The following WHRN variants were observed in gnomAD, a reference collection of about 807,000 sequenced individuals.
The protein encoded by WHRN is whirlin.
Under a neutral mutation model 68.3 loss-of-function variants are expected in WHRN, and 41 were observed. The observed-to-expected ratio is 0.60, with a 90% CI of 0.47 to 0.78. The LOEUF is 0.78. WHRN is among the 30% of genes least tolerant of loss of function. The pLI, the probability that WHRN is intolerant of heterozygous loss-of-function variation, is 0.00. For missense variants in WHRN, 1,243 were observed against 1,244.7 expected (o/e 1.00, Z 0.02); for synonymous variants, 560 against 561.3 (o/e 1.00, Z 0.03).
intron 7 of WHRN, among the ~76,000 whole-genome samples, chr9:114,414,925 GAAC>G (rs954159435): frequency 6.6e-6 from 1 of 152,138 alleles, no homozygotes; most frequent in Non-Finnish European, 1.5e-5. Context: ...ATCTGGACAG[GAAC>G]AACAGCCTCT....
At chr9:114,437,866 G>A (rs201819491) in intron 3 of WHRN, among the ~76,000 whole-genome samples, 2 of 152,268 alleles carry the variant, frequency 1.3e-5, no homozygotes, top group East Asian at 3.9e-4. Context: ...CAGATAAAGG[G>A]CCAGTTAGCT....
At chr9:114,466,697 TCAGA>T (rs1473239487) in intron 2 of WHRN, among the ~76,000 whole-genome samples, 2 of 152,124 alleles carry the variant, frequency 1.3e-5, no homozygotes, top group African/African-American at 4.8e-5. Context: ...CCGGGACTAC[TCAGA>T]CACTTTGCTC....
At chr9:114,437,000 C>T (rs2132535189) in intron 3 of WHRN, among the ~76,000 whole-genome samples, 1 of 152,068 alleles carries the variant, frequency 6.6e-6, no homozygotes, top group South Asian at 2.1e-4. Context: ...TACAGAAAAG[C>T]TACTAGAGAA....
At chr9:114,405,191 C>T (rs1834942125) in intron 9 of WHRN, among the ~76,000 whole-genome samples, 1 of 151,388 alleles carries the variant, frequency 6.6e-6, no homozygotes, top group Admixed American at 6.6e-5. Context: ...CCTCCCACCT[C>T]AGCCTTCTGA....
intron 3 of WHRN, among the ~76,000 whole-genome samples, chr9:114,450,245 C>G (rs923449825): frequency 4.6e-5 from 7 of 152,170 alleles, no homozygotes; most frequent in African/African-American, 1.7e-4. Flanking sequence ...TTTTGAAGCC[C>G]CAAAGCAACC....
intron 3 of WHRN, among the ~76,000 whole-genome samples, chr9:114,455,006 TA>T (rs56359230): frequency 0.75 from 113,928 of 151,978 alleles, 42,860 homozygotes; most frequent in East Asian, 0.96. Context: ...TGGCTGTCTA[TA>T]ATGCAAACAA....
At chr9:114,465,493 TCAC>T (rs2132943576) in intron 3 of WHRN, among the ~76,000 whole-genome samples, 2 of 152,272 alleles carry the variant, frequency 1.3e-5, no homozygotes, top group South Asian at 4.2e-4. Context: ...TGTGCCATGG[TCAC>T]CACTCCACAT....
chr9:114,477,127 G>A (rs1204868344), intron 2 of WHRN, among the ~76,000 whole-genome samples: 2 of 152,172 alleles, frequency 1.3e-5, no homozygotes, highest in African/African-American at 2.4e-5. Context: ...ACCTGCTGCC[G>A]CTCACCTCCA....
At chr9:114,413,784 T>C (rs1263093961) in intron 7 of WHRN, among the ~76,000 whole-genome samples, 1 of 152,062 alleles carries the variant, frequency 6.6e-6, no homozygotes. Flanking sequence ...ATCACAACAT[T>C]AGGGAGCTCT....
At chr9:114,503,100 G>C (rs1844072732) in intron 1 of WHRN, 1 of 982,770 alleles carries the variant, frequency 1.0e-6, no homozygotes, top group Admixed American at 6.1e-5. Context: ...GACGGCTCAA[G>C]ACTCACCTGG....
At chr9:114,434,622 T>C (rs1329315273) in intron 3 of WHRN, among the ~76,000 whole-genome samples, 4 of 152,168 alleles carry the variant, frequency 2.6e-5, no homozygotes, top group South Asian at 2.1e-4. Context: ...CAATGCATTT[T>C]ACTTTCCCTT....
At chr9:114,441,396 A>T (rs1838360433) in intron 3 of WHRN, among the ~76,000 whole-genome samples, 1 of 152,186 alleles carries the variant, frequency 6.6e-6, no homozygotes, top group South Asian at 2.1e-4. Context: ...GTCCACTAAA[A>T]GCCCTGTTAG....
intron 3 of WHRN, among the ~76,000 whole-genome samples, chr9:114,440,482 G>T (rs113558040): frequency 0.015 from 2,299 of 152,088 alleles, 60 homozygotes; most frequent in African/African-American, 0.05. Context: ...CAGGTGATCC[G>T]CCCACTTCGG....
At chr9:114,467,106 TCTC>T (rs1471460311) in intron 2 of WHRN, among the ~76,000 whole-genome samples, 8 of 146,906 alleles carry the variant, frequency 5.4e-5, no homozygotes, top group African/African-American at 1.5e-4. Flanking sequence ...ACTTCAGGAG[TCTC>T]CTATTTCTCC....
chr9:114,428,642 GGAGC>G (rs887193782), intron 3 of WHRN, among the ~76,000 whole-genome samples: 2 of 152,168 alleles, frequency 1.3e-5, no homozygotes, highest in Admixed American at 6.5e-5. Context: ...GCTGCTGCCC[GGAGC>G]GCTGTTTGGG....
chr9:114,435,993 T>C (rs1924683), intron 3 of WHRN, among the ~76,000 whole-genome samples: 149,497 of 152,328 alleles, frequency 0.98, 73,404 homozygotes, highest in East Asian at 1. Flanking sequence ...AGCTCACTTA[T>C]GTATTTAACA....
chr9:114,465,962 C>G (rs574935682), intron 3 of WHRN, among the ~76,000 whole-genome samples: 1 of 152,214 alleles, frequency 6.6e-6, no homozygotes, highest in Non-Finnish European at 1.5e-5. Context: ...CAGCTTATCA[C>G]TTTCTCTCCT....
At chr9:114,454,450 T>C (rs1012844795) in intron 3 of WHRN, among the ~76,000 whole-genome samples, 4 of 152,168 alleles carry the variant, frequency 2.6e-5, no homozygotes, top group African/African-American at 7.2e-5. Flanking sequence ...AATGAACAAC[T>C]GGAATCCAAA....
intron 3 of WHRN, among the ~76,000 whole-genome samples, chr9:114,427,750 A>G (rs1453765096): frequency 6.6e-6 from 1 of 150,982 alleles, no homozygotes; most frequent in Non-Finnish European, 1.5e-5. Flanking sequence ...ACAAAGACAG[A>G]CTTTACCTCT....
Sources: gnomAD v4.1 joint callset for allele counts (sites outside exome capture counted in the v4.1 genomes callset) on GRCh38, gnomAD v4.1.1 for gene constraint, MANE v1.5 for transcripts, NCBI Gene and HGNC (gene_info 2026-07-23, HGNC 2026-07-21) for gene names.